Variants in SYNE2 observed in about 807,000 individuals in gnomAD.
SYNE2 encodes the protein spectrin repeat containing nuclear envelope protein 2, also known as nesprin-2.
Under a neutral mutation model 856.3 loss-of-function variants are expected in SYNE2, and 431 were observed. The observed-to-expected ratio is 0.50, with a 90% CI of 0.47 to 0.55. The LOEUF is 0.55. Ranked by LOEUF, SYNE2 falls within the 20% of genes least tolerant of loss-of-function variation. The pLI, the probability that SYNE2 is intolerant of heterozygous loss-of-function variation, is 0.00. For missense variants in SYNE2, 8,129 were observed against 8,023.2 expected, an observed-to-expected ratio of 1.01 and a Z score of -0.50; for synonymous variants, 2,923 against 2,872.3, an observed-to-expected ratio of 1.02 and a Z score of -0.56.
In SYNE2 at chr14:64,104,107, C is replaced by T. The variant is rs981805159; in HGVS notation, c.12492+2065C>T. On this transcript the variant is annotated intron_variant, in intron 64 of 115. Transcript: ENST00000555002. The stretch of plus-strand genomic sequence containing the variant: ...GCTTCCCATGTCAATTACTACACTT[C>T]GTCTTTCATTTGCTACTGAAGGTCT... Among the ~76,000 whole-genome samples the T allele has an allele frequency of 2.6e-5, 4 of 152,180 alleles. No individual in the cohort carries two copies. The East Asian group carries it at 5.8e-4, about 22-fold the overall frequency.
intron 2 of SYNE2, among the ~76,000 whole-genome samples, chr14:63,934,553 C>T (rs773516602): frequency 6.6e-6 from 1 of 151,510 alleles, no homozygotes; most frequent in South Asian, 2.1e-4. Context: ...GACCCCTCAT[C>T]TTATTTGGAA....
intron 1 of SYNE2, among the ~76,000 whole-genome samples, chr14:63,827,713 A>C (rs1451226580): frequency 2.6e-5 from 4 of 151,284 alleles, no homozygotes; most frequent in Admixed American, 2.6e-4. Flanking sequence ...TACAGCAAAG[A>C]AAGCAGCAAA....
intron 103 of SYNE2, among the ~76,000 whole-genome samples, chr14:64,211,150 T>G (rs2098638894): frequency 6.6e-6 from 1 of 152,166 alleles, no homozygotes. Flanking sequence ...CCTGGCTGAT[T>G]TTAATTTTTG....
intron 21 of SYNE2, 89 bp downstream of exon 21, chr14:63,991,204 T>C (rs1012245668): frequency 1.9e-5 from 24 of 1,269,748 alleles, no homozygotes; most frequent in Non-Finnish European, 2.5e-5. Context: ...ACTGTAATTA[T>C]ATACTGAGTT....
chr14:64,167,836 T>A (rs2098389444), intron 92 of SYNE2, among the ~76,000 whole-genome samples, 197 bp downstream of exon 92: 1 of 152,218 alleles, frequency 6.6e-6, no homozygotes, highest in African/African-American at 2.4e-5. Context: ...TACTGCTCTA[T>A]TTTATTAGGG....
At chr14:64,182,959 G>A (rs1344555399) in intron 96 of SYNE2, among the ~76,000 whole-genome samples, 2 of 152,028 alleles carry the variant, frequency 1.3e-5, no homozygotes, top group Admixed American at 6.5e-5. Context: ...CAGAAGGGGC[G>A]GCCGGGCAGA....
intron 54 of SYNE2, among the ~76,000 whole-genome samples, chr14:64,076,301 A>G (rs769074052): frequency 6.6e-6 from 1 of 152,218 alleles, no homozygotes; most frequent in East Asian, 1.9e-4. Flanking sequence ...TAGATGATTT[A>G]TATGTATTTA....
intron 17 of SYNE2, among the ~76,000 whole-genome samples, chr14:63,983,224 A>G (rs187050235): frequency 5.9e-5 from 9 of 152,294 alleles, no homozygotes; most frequent in African/African-American, 1.9e-4. Flanking sequence ...TCCGTTCTCT[A>G]GTTTATACAC....
intron 110 of SYNE2, 128 bp downstream of exon 110, chr14:64,219,538 C>T: frequency 2.2e-6 from 2 of 909,850 alleles, no homozygotes. Context: ...GTAGAGGTCA[C>T]TCTCTTCCAT....
intron 2 of SYNE2, among the ~76,000 whole-genome samples, chr14:63,916,130 G>A (rs2095530632): frequency 6.6e-6 from 1 of 151,458 alleles, no homozygotes; most frequent in African/African-American, 2.5e-5. Context: ...ATCATTCTTA[G>A]GAGATGAGTT....
rs2098335555 is a variant in SYNE2 at position 64,162,288 on chromosome 14, G to A, written c.16299+12G>A. ...TGCAGGACATAAAGGTGGGTACAAA[G>A]CCCATTTGGAAAACCAAGGCCAAGT... On this transcript the variant is annotated intron_variant, in intron 88 of 115. Transcript: ENST00000555002. The A allele has an allele frequency of 1.9e-6, 3 of 1,613,826 alleles. No individual in the cohort carries two copies. The highest frequency in any genetic ancestry group is 8.5e-7 in the Non-Finnish European group (1 of 1,179,974).
At chr14:64,073,235 C>T (rs1567215558) in intron 52 of SYNE2, among the ~76,000 whole-genome samples, 1 of 152,136 alleles carries the variant, frequency 6.6e-6, no homozygotes, top group African/African-American at 2.4e-5. Flanking sequence ...CTTTTAATCA[C>T]ATAGTTGGTT....
chr14:64,155,121 A>T (rs901373778), intron 85 of SYNE2, among the ~76,000 whole-genome samples: 7 of 152,326 alleles, frequency 4.6e-5, no homozygotes, highest in African/African-American at 1.7e-4. Context: ...TCCTCCATAG[A>T]TAGCCCAAGA....
intron 1 of SYNE2, among the ~76,000 whole-genome samples, chr14:63,894,995 T>A (rs1487148021): frequency 1.3e-5 from 2 of 152,244 alleles, no homozygotes; most frequent in Admixed American, 1.3e-4. Context: ...GTCTACAAAT[T>A]AGGCCTCTTC....
At chr14:63,929,790 T>C (rs565214711) in intron 2 of SYNE2, among the ~76,000 whole-genome samples, 3 of 151,946 alleles carry the variant, frequency 2.0e-5, no homozygotes, top group African/African-American at 7.2e-5. Flanking sequence ...AAAAATTTTT[T>C]TTTTCTCTGT....
At chr14:64,162,680 G>A (rs2098338385) in intron 88 of SYNE2, 1 of 301,106 alleles carries the variant, frequency 3.3e-6, no homozygotes, top group South Asian at 3.3e-5. Flanking sequence ...TTTTCTGTGG[G>A]TATAGTAAAT....
chr14:63,956,687 T>C (rs1178791722), intron 8 of SYNE2, among the ~76,000 whole-genome samples: 1 of 152,102 alleles, frequency 6.6e-6, no homozygotes, highest in Non-Finnish European at 1.5e-5. Context: ...ATTGAAAATA[T>C]TTGGAAAAAA....
Position 64,121,008 on chromosome 14 carries a change from A to G in SYNE2, c.13105A>G (p.Ile4369Val), listed in dbSNP as rs1392273575. The G allele has an allele frequency of 1.2e-6, 2 of 1,614,080 alleles. No individual in the cohort carries two copies. The highest frequency in any genetic ancestry group is 1.7e-5 in the Admixed American group (1 of 60,006). ...AGTTAACCTTTCTGAATTGGAATCCATTGTAACTGAAAGGCCACAATTCAG... is the reference window on the plus strand; with the variant it reads ...AGTTAACCTTTCTGAATTGGAATCCGTTGTAACTGAAAGGCCACAATTCAG... ...QPVNLSELES[I>V]VTERPQFSRQ... Residue 4369 changes from isoleucine to valine, a missense_variant, in exon 68 of 116, where the codon ATT (isoleucine) becomes GTT (valine). Transcript: ENST00000555002.
rs1381683018 is a variant in SYNE2 at position 64,053,121 on chromosome 14, C to G, written c.9208C>G (p.Leu3070Val). The G allele has an allele frequency of 1.2e-6, 2 of 1,613,904 alleles. No homozygotes were observed. The highest frequency in any genetic ancestry group is 1.7e-5 in the Admixed American group (1 of 59,992). Reference sequence around the variant, plus strand: ...AATTAAGAAAATGACTGAAGTAGTACTAAAAGCTCCTGATAGCTCTCCGGA... The same window carrying G: ...AATTAAGAAAATGACTGAAGTAGTAGTAAAAGCTCCTGATAGCTCTCCGGA... ...LQIKKMTEVV[L>V]KAPDSSPESR... The change falls in exon 48 of 116, where the codon CTA becomes GTA. Residue 3070 changes from leucine to valine, a missense_variant. Leu to Val is a conservative substitution (Grantham distance 32, BLOSUM62 1). Transcript: ENST00000555002.
Sources: gnomAD v4.1 joint callset for allele counts (sites outside exome capture counted in the v4.1 genomes callset) on GRCh38, gnomAD v4.1.1 for gene constraint, MANE v1.5 for transcripts, NCBI Gene and HGNC (gene_info 2026-07-23, HGNC 2026-07-21) for gene names.